Variants in ATP10A observed in about 807,000 individuals in gnomAD.
The protein encoded by ATP10A is ATPase phospholipid transporting 10A (putative).
A neutral mutation model predicts 147.8 loss-of-function variants in ATP10A; 111 were observed. The ratio of observed to expected loss-of-function variants is 0.75; its 90% CI spans 0.64 to 0.88. The LOEUF is 0.88. Ranked by LOEUF, ATP10A falls within the 40% of genes least tolerant of loss-of-function variation. The pLI, the probability that ATP10A is intolerant of heterozygous loss-of-function variation, is 0.00. For missense variants in ATP10A, 1,927 were observed against 1,959.0 expected (o/e 0.98, Z 0.31); for synonymous variants, 875 against 841.6 (o/e 1.04, Z -0.69).
intron 17 of ATP10A, among the ~76,000 whole-genome samples, chr15:25,682,052 T>C (rs1480144736): frequency 1.3e-5 from 1 of 79,890 alleles, no homozygotes; most frequent in Non-Finnish European, 2.3e-5. Flanking sequence ...AGACCTTGTC[T>C]TAAAAAAAAA....
chr15:25,700,001 G>C (rs1295747588), intron 13 of ATP10A, among the ~76,000 whole-genome samples: 1 of 152,102 alleles, frequency 6.6e-6, no homozygotes, highest in South Asian at 2.1e-4. Flanking sequence ...AGCCCACAAA[G>C]GACTTACATA....
At chr15:25,806,457 C>T (rs1402766024) in intron 1 of ATP10A, among the ~76,000 whole-genome samples, 7 of 151,920 alleles carry the variant, frequency 4.6e-5, no homozygotes, top group Non-Finnish European at 7.4e-5. Flanking sequence ...GGACTATAGG[C>T]GCCTGCCACC....
intron 15 of ATP10A, among the ~76,000 whole-genome samples, chr15:25,688,493 G>A (rs1385290680): frequency 1.3e-5 from 2 of 152,204 alleles, no homozygotes; most frequent in Non-Finnish European, 2.9e-5. Context: ...AGGTGCTTAC[G>A]CAGTGAAGCC....
At chr15:25,800,610 C>T (rs551780684) in intron 1 of ATP10A, among the ~76,000 whole-genome samples, 16 of 152,292 alleles carry the variant, frequency 1.1e-4, no homozygotes, top group Non-Finnish European at 2.1e-4. Context: ...CATTCTGACA[C>T]GGCAATTTCA....
intron 1 of ATP10A, among the ~76,000 whole-genome samples, chr15:25,828,837 T>C (rs1435945604): frequency 1.3e-5 from 2 of 152,200 alleles, no homozygotes; most frequent in Non-Finnish European, 2.9e-5. Context: ...TGTGCTGTTG[T>C]AAAAACTGAC....
At chr15:25,698,406 C>G (rs1174350995) in intron 13 of ATP10A, among the ~76,000 whole-genome samples, 1 of 152,192 alleles carries the variant, frequency 6.6e-6, no homozygotes, top group African/African-American at 2.4e-5. Context: ...AATATATTTT[C>G]TCTTCCTTAA....
Position 25,792,873 on chromosome 15 carries a change from C to CTTT in ATP10A, c.450-11653_450-11651dup, listed in dbSNP as rs56011953. On this transcript the variant is annotated intron_variant, in intron 1 of 20. Transcript: ENST00000555815. ...TTACAAAAAGTTGCTCCTTTTCAAT[C>CTTT]TTTTTTTTTTTTTTGAGATGGAGTT... Among the ~76,000 whole-genome samples, 68 of 134,200 alleles carry CTTT rather than the reference C, an allele frequency of 5.1e-4. 2 individuals are homozygous for CTTT. The highest frequency in any genetic ancestry group is 1.4e-3 in the African/African-American group (50 of 34,758). The allele number at this position is 134,200 out of a possible 152,430, so 88.0% of individuals were successfully genotyped here. A position where few individuals can be genotyped will look rare whatever the true frequency, so the allele number is the denominator to read the frequency against.
chr15:25,865,037 C>T (rs1893925848), upstream of ATP10A: 1 of 152,276 alleles, frequency 6.6e-6, no homozygotes, highest in Non-Finnish European at 1.5e-5. Context: ...AGGAGTACTC[C>T]TGGTGCTTAC....
chr15:25,829,717 G>C (rs1035495955), intron 1 of ATP10A, among the ~76,000 whole-genome samples: 4 of 152,182 alleles, frequency 2.6e-5, no homozygotes, highest in African/African-American at 9.7e-5. Flanking sequence ...GCTGGGGGAA[G>C]GGGCAGCAGC....
At chr15:25,700,224 C>T (rs956841732) in intron 13 of ATP10A, among the ~76,000 whole-genome samples, 6 of 152,142 alleles carry the variant, frequency 3.9e-5, no homozygotes, top group Admixed American at 3.9e-4. Flanking sequence ...GAAAAAAAAT[C>T]AATGACAATG....
At chr15:25,707,848 G>A (rs574383382) in intron 12 of ATP10A, 128 bp downstream of exon 12, 157 of 1,320,312 alleles carry the variant, frequency 1.2e-4, no homozygotes, top group Middle Eastern at 2.7e-4. Flanking sequence ...CTGTGCCAGC[G>A]TCCTGCCAGG....
chr15:25,710,725 C>T, intron 10 of ATP10A: 1 of 152,296 alleles, frequency 6.6e-6, no homozygotes, highest in Non-Finnish European at 1.5e-5. Context: ...ATACTGATTA[C>T]TGCATGGTAT....
At chr15:25,812,246 A>G (rs1331884755) in intron 1 of ATP10A, among the ~76,000 whole-genome samples, 5 of 152,156 alleles carry the variant, frequency 3.3e-5, no homozygotes, top group Non-Finnish European at 2.9e-5. Context: ...TCACACTTCA[A>G]AATAACAAGT....
chr15:25,687,698 C>T lies in ATP10A; in HGVS notation c.3291+5G>A, dbSNP rs1292717131. Reference sequence around the variant, plus strand: ...CAAAACTCTAGACAGGTATCCAATACCTACTGTGTTTTTGTAGAAGAAGTA... The same window carrying T: ...CAAAACTCTAGACAGGTATCCAATATCTACTGTGTTTTTGTAGAAGAAGTA... On this transcript the variant is annotated splice_donor_5th_base_variant and intron_variant, in intron 16 of 20. Transcript: ENST00000555815. The T allele has an allele frequency of 6.3e-7, 1 of 1,583,746 alleles. No homozygotes were observed. The highest frequency in any genetic ancestry group is 1.7e-5 in the Admixed American group (1 of 57,784).
Position 25,819,790 on chromosome 15 carries a change from G to A in ATP10A, c.450-38567C>T, listed in dbSNP as rs117990279. On this transcript the variant is annotated intron_variant, in intron 1 of 20. Coordinates refer to ENST00000555815, the MANE Select transcript of ATP10A (RefSeq NM_024490.4). The stretch of plus-strand genomic sequence containing the variant: ...CTTTTGCAGTGACATAAATGGAACT[G>A]GAGGTTGTTATCTTAAGTGAAACAA... Among the ~76,000 whole-genome samples the A allele has an allele frequency of 6.0e-3, 919 of 152,278 alleles. 8 individuals are homozygous for A. The highest frequency in any genetic ancestry group is 0.02 in the Middle Eastern group (6 of 294).
At position 25,680,896 on chromosome 15, in the gene ATP10A, C is replaced by A. The variant is rs2076746; in HGVS notation, c.3592G>T (p.Val1198Leu). Residue 1198 changes from valine to leucine, a missense_variant, in exon 19 of 21, where the codon GTG (valine) becomes TTG (leucine). Transcript: ENST00000555815. ...GGGGTCCCCCAGGTAAACAGGTCCA[C>A]GTTCGAGTCATAGTAGGCCTGAAAG... ...IPYLAYYDSN[V>L]DLFTWGTPIV... 1.9e-6 allele frequency: 3 copies of A among 1,614,008 alleles called. No homozygotes were observed. In the South Asian group the frequency reaches 3.3e-5, roughly 18 times the overall value.
chr15:25,718,411 G>C lies in ATP10A; in HGVS notation c.1364-12C>G, dbSNP rs1482912867. 4 of 1,578,474 alleles carry C rather than the reference G, an allele frequency of 2.5e-6. No homozygotes were observed. Among genetic ancestry groups the C allele is most frequent in the Non-Finnish European group, 3.4e-6 (4 of 1,166,594 alleles). ...GGCCAGACGCTGCGCTGCGGGGAGA[G>C]GGCGCAGGGTGAGGCATCATGGGGG... On this transcript the variant is annotated splice_polypyrimidine_tract_variant and intron_variant, in intron 7 of 20. Coordinates refer to ENST00000555815, the MANE Select transcript of ATP10A (RefSeq NM_024490.4).
intron 1 of ATP10A, among the ~76,000 whole-genome samples, chr15:25,850,843 T>C (rs1247973333): frequency 6.6e-6 from 1 of 152,182 alleles, no homozygotes; most frequent in African/African-American, 2.4e-5. Context: ...ATTAGAAGTA[T>C]ACAAAAACAA....
intron 1 of ATP10A, among the ~76,000 whole-genome samples, chr15:25,790,664 C>T (rs7162581): frequency 0.14 from 21,648 of 152,172 alleles, 1,864 homozygotes; most frequent in African/African-American, 0.24. Context: ...GAAAGCAAAA[C>T]GATGCCTAAA....
Sources: allele counts gnomAD v4.1 joint callset (sites outside exome capture counted in the v4.1 genomes callset), GRCh38; gene constraint gnomAD v4.1.1; transcripts MANE v1.5; gene names NCBI Gene and HGNC (gene_info 2026-07-23, HGNC 2026-07-21).